TESK2: variants seen among roughly 807,000 people sequenced by gnomAD.
The protein encoded by TESK2 is dual specificity testis-specific protein kinase 2.
A neutral mutation model predicts 57.1 loss-of-function variants in TESK2; 39 were observed. The observed-to-expected ratio is 0.68, with a 90% CI of 0.53 to 0.89. The LOEUF is 0.89. TESK2 is among the 40% of genes least tolerant of loss of function. TESK2 has a pLI of 0.00. For synonymous variants in TESK2, 249 were observed against 267.9 expected, an observed-to-expected ratio of 0.93 and a Z score of 0.69; for missense variants, 646 against 732.1, an observed-to-expected ratio of 0.88 and a Z score of 1.36.
intron 2 of TESK2, among the ~76,000 whole-genome samples, chr1:45,445,168 A>T (rs552187364): frequency 6.6e-6 from 1 of 152,086 alleles, no homozygotes; most frequent in Non-Finnish European, 1.5e-5. Flanking sequence ...TAACTAACTC[A>T]GTGAAAGAAG....
At chr1:45,363,442 T>A (rs1647777681) in intron 4 of TESK2, among the ~76,000 whole-genome samples, 1 of 152,226 alleles carries the variant, frequency 6.6e-6, no homozygotes, top group South Asian at 2.1e-4. Flanking sequence ...TGATGTGCTA[T>A]TACTTGTAGG....
chr1:45,447,096 A>G (rs1651676400), intron 2 of TESK2, among the ~76,000 whole-genome samples: 1 of 152,154 alleles, frequency 6.6e-6, no homozygotes, highest in South Asian at 2.1e-4. Context: ...ATATGCTAGT[A>G]GTCCCAGATA....
intron 4 of TESK2, among the ~76,000 whole-genome samples, chr1:45,367,089 G>A (rs1647952129): frequency 6.6e-6 from 1 of 151,986 alleles, no homozygotes; most frequent in Admixed American, 6.6e-5. Context: ...AGCCAACATT[G>A]CAACACTGCA....
intron 1 of TESK2, among the ~76,000 whole-genome samples, chr1:45,480,292 C>CT (rs1213416707): frequency 6.6e-6 from 1 of 151,560 alleles, no homozygotes; most frequent in Admixed American, 6.6e-5. Context: ...AACCCCATCT[C>CT]TATTAAAATA....
chr1:45,436,747 C>T (rs1449447812), intron 2 of TESK2, among the ~76,000 whole-genome samples: 60 of 151,412 alleles, frequency 4.0e-4, no homozygotes, highest in African/African-American at 1.5e-3. Context: ...CTTGGCCTCC[C>T]AAAGTGCTGG....
chr1:45,380,740 T>C (rs779855140), intron 4 of TESK2, among the ~76,000 whole-genome samples: 1 of 152,252 alleles, frequency 6.6e-6, no homozygotes, highest in Non-Finnish European at 1.5e-5. Context: ...ATTCCAGTTA[T>C]ATGAGTCCTT....
chr1:45,484,017 A>G (rs1255421201), intron 1 of TESK2, among the ~76,000 whole-genome samples: 2 of 146,738 alleles, frequency 1.4e-5, no homozygotes, highest in African/African-American at 5.0e-5. Flanking sequence ...AAAAAAAATT[A>G]TACTTGGATT....
intron 3 of TESK2, among the ~76,000 whole-genome samples, chr1:45,398,282 A>G (rs1330944130): frequency 6.6e-6 from 1 of 151,500 alleles, no homozygotes; most frequent in East Asian, 1.9e-4. Context: ...AATTTCAAAT[A>G]TTTCCAATCA....
intron 1 of TESK2, among the ~76,000 whole-genome samples, chr1:45,489,277 G>A (rs6685298): frequency 6.6e-6 from 1 of 152,028 alleles, no homozygotes; most frequent in Admixed American, 6.6e-5. Context: ...TTCTTGTCCC[G>A]TTCCTTTAAT....
At chr1:45,355,710 C>T (rs1325140467) in intron 4 of TESK2, among the ~76,000 whole-genome samples, 1 of 152,118 alleles carries the variant, frequency 6.6e-6, no homozygotes, top group Non-Finnish European at 1.5e-5. Flanking sequence ...GGTAGGACAA[C>T]ACCATGCAGC....
chr1:45,414,862 C>A (rs1018347333), intron 3 of TESK2, among the ~76,000 whole-genome samples: 1 of 152,124 alleles, frequency 6.6e-6, no homozygotes, highest in Non-Finnish European at 1.5e-5. Flanking sequence ...TCCATCACTG[C>A]AGAAGGTTCT....
intron 2 of TESK2, among the ~76,000 whole-genome samples, chr1:45,442,847 G>A (rs963992714): frequency 1.2e-4 from 19 of 152,096 alleles, no homozygotes; most frequent in East Asian, 7.7e-4. Flanking sequence ...GTGCAGTGGC[G>A]TGATCTCGGC....
intron 1 of TESK2, among the ~76,000 whole-genome samples, chr1:45,462,611 T>A (rs1294956217): frequency 6.6e-6 from 1 of 152,196 alleles, no homozygotes; most frequent in African/African-American, 2.4e-5. Flanking sequence ...TCCATTTGTG[T>A]AGGTGCCACA....
intron 4 of TESK2, 98 bp from the exon 5 acceptor site, chr1:45,355,547 A>ATT (rs947231071): frequency 9.3e-6 from 12 of 1,296,446 alleles, no homozygotes; most frequent in African/African-American, 9.1e-5. Context: ...GAGAGACTGT[A>ATT]TTTTTTTTTT....
At chr1:45,450,543 G>T (rs1166539545) in intron 2 of TESK2, among the ~76,000 whole-genome samples, 1 of 143,972 alleles carries the variant, frequency 6.9e-6, no homozygotes, top group Non-Finnish European at 1.5e-5. Flanking sequence ...GTCCATAAAG[G>T]CCTCTTAAAT....
chr1:45,463,590 T>C (rs1179362689), intron 1 of TESK2, among the ~76,000 whole-genome samples: 1 of 152,078 alleles, frequency 6.6e-6, no homozygotes, highest in Non-Finnish European at 1.5e-5. Context: ...TTTTTTGTTT[T>C]TGTTTTGTTT....
At chr1:45,374,482 T>C (rs1570663562) in intron 4 of TESK2, among the ~76,000 whole-genome samples, 1 of 152,250 alleles carries the variant, frequency 6.6e-6, no homozygotes, top group East Asian at 1.9e-4. Context: ...TTCATAGGAT[T>C]GCATGCTAAT....
At chr1:45,457,467 A>G (rs921412011) in intron 2 of TESK2, 97 bp downstream of exon 2, 2 of 1,130,384 alleles carry the variant, frequency 1.8e-6, no homozygotes, top group African/African-American at 1.5e-5. Flanking sequence ...CAGCACCTTT[A>G]TTAGGCAAAT....
In TESK2 at chr1:45,344,867, C is replaced by T. The variant is rs1221370169; in HGVS notation, c.1689G>A (p.Leu563=). ...ACCCATCCTGCTTTCCCTGGGTTTG[C>T]AGGCCTATGCCTGAGGTGGAGAAGG... ...PATFSTSGIG[L]QTQGKQDG is the part of the protein sequence containing the mutation. Residue 563 remains leucine, a synonymous_variant, in exon 11 of 11, where the codon CTG becomes CTA. Transcript: ENST00000372086. 1.2e-6 allele frequency: 2 copies of T among 1,613,138 alleles called. No homozygotes were observed. The highest frequency in any genetic ancestry group is 8.5e-7 in the Non-Finnish European group (1 of 1,179,940).
Sources: gnomAD v4.1 joint callset for allele counts (sites outside exome capture counted in the v4.1 genomes callset) on GRCh38, gnomAD v4.1.1 for gene constraint, MANE v1.5 for transcripts, NCBI Gene and HGNC (gene_info 2026-07-23, HGNC 2026-07-21) for gene names.